The following C18orf54 variants were observed in gnomAD, a reference collection of about 807,000 sequenced individuals.
The protein encoded by C18orf54 is lung adenoma susceptibility protein 2.
C18orf54 carries 49 observed loss-of-function variants against 49.3 expected under a neutral mutation model. That is an observed-to-expected ratio of 0.99 (90% confidence interval 0.79 to 1.26). The LOEUF (loss-of-function observed/expected upper bound fraction) is 1.26, where lower values mean the gene tolerates loss of function less well. C18orf54 is among the 50% of genes most tolerant of loss of function. C18orf54 has a pLI of 0.00. For synonymous variants in C18orf54, 211 were observed against 216.6 expected (o/e 0.97, Z 0.23); for missense variants, 687 against 620.6 (o/e 1.11, Z -1.14).
In C18orf54 at chr18:54,362,360, G is replaced by A. The variant is rs1281441647; in HGVS notation, c.1001G>A (p.Cys334Tyr). 1 of 1,535,758 alleles carries A rather than the reference G, an allele frequency of 6.5e-7. No individual in the cohort carries two copies. The highest frequency in any genetic ancestry group is 8.7e-7 in the Non-Finnish European group (1 of 1,146,704). Reference sequence around the variant, plus strand: ...AAAGAATTAGTTAATGAATACAAATGTGATTTTGAACATAGCCAGTGTCAA... The same window carrying A: ...AAAGAATTAGTTAATGAATACAAATATGATTTTGAACATAGCCAGTGTCAA... ...DDKELVNEYK[C>Y]DFEHSQCQCE... is the part of the protein sequence containing the mutation. The change falls in exon 4 of 9, where the codon TGT (cysteine) becomes TAT (tyrosine). Residue 334 changes from cysteine to tyrosine, a missense_variant. Coordinates refer to ENST00000620105, the MANE Select transcript of C18orf54 (RefSeq NM_001288980.2).
At chr18:54,358,556 A>C (rs1257262501) in intron 1 of C18orf54, 1 of 152,204 alleles carries the variant, frequency 6.6e-6, no homozygotes, top group Non-Finnish European at 1.5e-5. Flanking sequence ...GAAAAATTGG[A>C]ATTCAGGGCG....
At chr18:54,377,467 C>T (rs897602173) in intron 8 of C18orf54, among the ~76,000 whole-genome samples, 2 of 151,980 alleles carry the variant, frequency 1.3e-5, no homozygotes, top group Non-Finnish European at 2.9e-5. Context: ...CCTCCAGGAA[C>T]TGAAATATAG....
intron 7 of C18orf54, 22 bp downstream of exon 7, chr18:54,372,619 G>C (rs2089508372): frequency 6.5e-7 from 1 of 1,537,670 alleles, no homozygotes; most frequent in East Asian, 2.3e-5. Context: ...CATGATTTAT[G>C]AATTGAGATT....
Position 54,381,951 on chromosome 18 carries a change from T to C in C18orf54, c.*3705T>C, listed in dbSNP as rs2144769765. ...TAAACTGCATTTTACATAGTGGTTT[T>C]AAATATTGATTGATTGATATTCTAA... On this transcript the variant is annotated 3_prime_UTR_variant, in exon 9 of 9. Transcript: ENST00000620105. 1 of 152,350 alleles carries C rather than the reference T, an allele frequency of 6.6e-6. No individual in the cohort carries two copies. The highest frequency in any genetic ancestry group is 2.1e-4 in the South Asian group (1 of 4,828). 9.4% of individuals were successfully genotyped at this position (152,350 alleles called of 1,614,324 possible). A position where few individuals can be genotyped will look rare whatever the true frequency, so the allele number is the denominator to read the frequency against.
chr18:54,360,959 T>A, intron 3 of C18orf54, 104 bp downstream of exon 3: 2 of 1,120,194 alleles, frequency 1.8e-6, no homozygotes, highest in Non-Finnish European at 2.5e-6. Context: ...TACTTTGGAG[T>A]AAAAATAACA....
At chr18:54,358,373 T>TG (rs1363506474) in intron 1 of C18orf54, among the ~76,000 whole-genome samples, 2 of 152,206 alleles carry the variant, frequency 1.3e-5, no homozygotes, top group Non-Finnish European at 2.9e-5. Context: ...GGAAGGGGCT[T>TG]GCGCTCTGGG....
intron 2 of C18orf54, 81 bp downstream of exon 2, chr18:54,358,951 C>A (rs1787837): frequency 0.067 from 10,203 of 152,220 alleles, 388 homozygotes; most frequent in African/African-American, 0.088. Flanking sequence ...GGGTGGGTCC[C>A]TACCCACTTT....
intron 8 of C18orf54, 22 bp downstream of exon 8, chr18:54,374,306 G>A: frequency 6.5e-7 from 1 of 1,546,700 alleles, no homozygotes; most frequent in Non-Finnish European, 8.7e-7. Flanking sequence ...TTACTAATAT[G>A]GATACAAATC....
chr18:54,367,738 C>A (rs1599337643), intron 6 of C18orf54, among the ~76,000 whole-genome samples: 1 of 152,052 alleles, frequency 6.6e-6, no homozygotes, highest in East Asian at 1.9e-4. Context: ...ATTTGGATGT[C>A]ATATGTATTC....
chr18:54,362,494 T>A, intron 4 of C18orf54, 63 bp downstream of exon 4: 1 of 1,330,418 alleles, frequency 7.5e-7, no homozygotes, highest in Non-Finnish European at 9.9e-7. Context: ...AAAGAAGTGC[T>A]GTAAAGTTGA....
rs772755551 is a variant in C18orf54 at position 54,365,826 on chromosome 18, G to A, written c.1326+5G>A. 35 of 1,526,188 alleles carry A rather than the reference G, an allele frequency of 2.3e-5. No homozygotes were observed. The highest frequency in any genetic ancestry group is 3.0e-5 in the Non-Finnish European group (33 of 1,115,330). 94.5% of individuals were successfully genotyped at this position (1,526,188 alleles called of 1,614,324 possible). A position where few individuals can be genotyped will look rare whatever the true frequency, so the allele number is the denominator to read the frequency against. ...TTTCTAAATAATGATAATCAGGTGG[G>A]TGAAATTAAAAGTTTTAAAACTTAT... On this transcript the variant is annotated splice_donor_5th_base_variant and intron_variant, in intron 6 of 8. Coordinates refer to ENST00000620105, the MANE Select transcript of C18orf54 (RefSeq NM_001288980.2).
intron 5 of C18orf54, chr18:54,363,986 G>A (rs560927717): frequency 3.0e-4 from 45 of 152,046 alleles, no homozygotes; most frequent in African/African-American, 1.1e-3. Context: ...GTTATTGTGA[G>A]GATTAATTTG....
chr18:54,369,117 AG>A (rs1308492613), intron 6 of C18orf54, among the ~76,000 whole-genome samples: 1 of 152,220 alleles, frequency 6.6e-6, no homozygotes, highest in Admixed American at 6.5e-5. Flanking sequence ...CTATGTCAGC[AG>A]GAAGACCTAG....
rs2089637804 is a variant in C18orf54 at position 54,379,883 on chromosome 18, T to C, written c.*1637T>C. ...CATAATATATACTATGCCTGGAAAT[T>C]ATGACTGAAAAGCACCTATTCGGTT... is the stretch of plus-strand genomic sequence containing the variant. On this transcript the variant is annotated 3_prime_UTR_variant, in exon 9 of 9. Coordinates refer to ENST00000620105, the MANE Select transcript of C18orf54 (RefSeq NM_001288980.2). 1 of 152,022 alleles carries C rather than the reference T, an allele frequency of 6.6e-6. No individual in the cohort carries two copies. 9.4% of individuals were successfully genotyped at this position (152,022 alleles called of 1,614,324 possible). A position where few individuals can be genotyped will look rare whatever the true frequency, so the allele number is the denominator to read the frequency against.
rs1468698034 is a variant in C18orf54 at position 54,360,691 on chromosome 18, A to C, written c.119A>C (p.Tyr40Ser). 6.8e-6 allele frequency: 11 copies of C among 1,614,116 alleles called. No homozygotes were observed. Among genetic ancestry groups the C allele is most frequent in the Non-Finnish European group, 9.3e-6 (11 of 1,179,956 alleles). The change falls in exon 3 of 9, where the codon TAT (tyrosine) becomes TCT (serine). Residue 40 changes from tyrosine (Y) to serine (S), a missense_variant. Physicochemically the swap from Tyr to Ser is moderately radical, Grantham distance 144. Transcript: ENST00000620105. Reference sequence around the variant, plus strand: ...TCTAATTCTGATGGCTCGTTTCACTATAAAGATAAGCTGTACAGATCTGCT... The same window carrying C: ...TCTAATTCTGATGGCTCGTTTCACTCTAAAGATAAGCTGTACAGATCTGCT... ...NSSNSDGSFH[Y>S]KDKLYRSASQ...
At chr18:54,372,759 C>CA (rs578220848) in intron 7 of C18orf54, among the ~76,000 whole-genome samples, 162 bp downstream of exon 7, 19 of 151,758 alleles carry the variant, frequency 1.3e-4, no homozygotes, top group Non-Finnish European at 1.9e-4. Flanking sequence ...GTAATGTACT[C>CA]ACGTTTAATT....
At chr18:54,369,851 A>C (rs1260469184) in intron 6 of C18orf54, among the ~76,000 whole-genome samples, 1 of 151,984 alleles carries the variant, frequency 6.6e-6, no homozygotes, top group Non-Finnish European at 1.5e-5. Context: ...TTTTCTTCCC[A>C]ACTCTCTTTG....
At position 54,360,600 on chromosome 18, in the gene C18orf54, C is replaced by T; in HGVS notation, c.28C>T (p.Leu10Phe). Residue 10 changes from leucine (L) to phenylalanine (F), a missense_variant, in exon 3 of 9, where the codon CTT becomes TTT. Transcript: ENST00000620105. ...GGCGAAATCAAAGACAAAACATAGA[C>T]TTTGTTCTCAGGAATCTTCAGTATC... is the stretch of plus-strand genomic sequence containing the variant. Reference protein sequence around the residue: MAKSKTKHRLCSQESSVSAL... With the variant: MAKSKTKHRFCSQESSVSAL... 1.2e-6 allele frequency: 2 copies of T among 1,614,020 alleles called. No homozygotes were observed. The highest frequency in any genetic ancestry group is 1.7e-6 in the Non-Finnish European group (2 of 1,179,914).
intron 4 of C18orf54, 102 bp from the exon 5 acceptor site, chr18:54,362,669 G>A: frequency 9.2e-7 from 1 of 1,089,744 alleles, no homozygotes; most frequent in Non-Finnish European, 1.3e-6. Flanking sequence ...ATAGATGAAT[G>A]TACATTCCAA....
Sources: allele counts gnomAD v4.1 joint callset (sites outside exome capture counted in the v4.1 genomes callset), GRCh38; gene constraint gnomAD v4.1.1; transcripts MANE v1.5; gene names NCBI Gene and HGNC (gene_info 2026-07-23, HGNC 2026-07-21).